SHLD2: variants seen among roughly 807,000 people sequenced by gnomAD.
SHLD2 encodes the protein shieldin complex subunit 2.
Under a neutral mutation model 73.2 loss-of-function variants are expected in SHLD2, and 30 were observed. The ratio of observed to expected loss-of-function variants is 0.41; its 90% CI spans 0.31 to 0.56. The LOEUF (loss-of-function observed/expected upper bound fraction) is 0.56, where lower values mean the gene tolerates loss of function less well. SHLD2 is among the 20% of genes least tolerant of loss of function. SHLD2 has a pLI of 0.28. For synonymous variants in SHLD2, 285 were observed against 370.1 expected, an observed-to-expected ratio of 0.77 and a Z score of 2.64; for missense variants, 745 against 1,055.9, an observed-to-expected ratio of 0.71 and a Z score of 4.08.
At chr10:87,149,615 C>T (rs551055204) in intron 2 of SHLD2, among the ~76,000 whole-genome samples, 3 of 151,894 alleles carry the variant, frequency 2.0e-5, no homozygotes, top group South Asian at 2.1e-4. Flanking sequence ...CTCAGCTACT[C>T]GGTAGGTTGA....
chr10:87,103,578 T>C (rs1040735906), intron 2 of SHLD2, among the ~76,000 whole-genome samples: 2 of 152,230 alleles, frequency 1.3e-5, no homozygotes, highest in Admixed American at 6.5e-5. Context: ...AGGAAAACTT[T>C]CTAATATTTG....
chr10:87,147,094 A>C (rs1198956244), intron 2 of SHLD2, among the ~76,000 whole-genome samples: 2 of 151,738 alleles, frequency 1.3e-5, no homozygotes, highest in African/African-American at 4.8e-5. Context: ...AAAAACAAAA[A>C]AACCTTGTGT....
chr10:87,143,789 A>G (rs896082048), intron 2 of SHLD2, among the ~76,000 whole-genome samples: 1 of 152,182 alleles, frequency 6.6e-6, no homozygotes, highest in Non-Finnish European at 1.5e-5. Flanking sequence ...ACAGGACACC[A>G]GAAGAGCATG....
rs547026014 is a variant in SHLD2 at position 87,184,640 on chromosome 10, T to A, written c.2400-2445T>A. Reference sequence around the variant, plus strand: ...CATCAGTCGTCTCCTTATGCTTGTTTCCTCTGCAGTCTCATCTGCTGCCAC... The same window carrying A: ...CATCAGTCGTCTCCTTATGCTTGTTACCTCTGCAGTCTCATCTGCTGCCAC... On this transcript the variant is annotated intron_variant, in intron 8 of 9. Transcript: ENST00000298786. Among the ~76,000 whole-genome samples the A allele has an allele frequency of 3.3e-5, 5 of 152,244 alleles. No individual in the cohort carries two copies. In the East Asian group the frequency reaches 7.7e-4, roughly 24 times the overall value.
chr10:87,104,931 A>G (rs1377001673), intron 2 of SHLD2, among the ~76,000 whole-genome samples: 2 of 152,182 alleles, frequency 1.3e-5, no homozygotes, highest in Non-Finnish European at 2.9e-5. Context: ...TGTTGGGATT[A>G]TAGGTGTGAG....
intron 2 of SHLD2, among the ~76,000 whole-genome samples, chr10:87,124,736 T>TA (rs1298213443): frequency 8.9e-5 from 13 of 146,236 alleles, no homozygotes; most frequent in Admixed American, 7.4e-4. Context: ...TCATTATAGT[T>TA]AAAAAAATTG....
At chr10:87,105,636 A>G (rs976680412) in intron 2 of SHLD2, among the ~76,000 whole-genome samples, 3 of 152,336 alleles carry the variant, frequency 2.0e-5, no homozygotes, top group Middle Eastern at 3.4e-3. Context: ...CAAGGACTCA[A>G]TGATACCATC....
In SHLD2 at chr10:87,140,352, GT is replaced by G. The variant is rs376243904; in HGVS notation, c.-5-10997del. ...TGAGAATTGCTTGAGCCAGGGAGAT[GT>G]AGGTTGCAGTAAGCCAAGATCATGC... is the stretch of plus-strand genomic sequence containing the variant. On this transcript the variant is annotated intron_variant, in intron 2 of 9. Transcript: ENST00000298786. 3.8e-3 allele frequency among the ~76,000 whole-genome samples: 571 copies of G among 149,204 alleles called. 2 individuals are homozygous for G. Among genetic ancestry groups the G allele is most frequent in the African/African-American group, 0.013 (508 of 40,598 alleles).
Position 87,110,988 on chromosome 10 carries a change from C to T in SHLD2, c.-6+13999C>T, listed in dbSNP as rs1303124382. On this transcript the variant is annotated intron_variant, in intron 2 of 9. Transcript: ENST00000298786. Reference sequence around the variant, plus strand: ...TCTCCCAAGTAGCTGGGACTACAGGCGCGCACCACCACGCCTGGCTAATTT... The same window carrying T: ...TCTCCCAAGTAGCTGGGACTACAGGTGCGCACCACCACGCCTGGCTAATTT... 4.0e-5 allele frequency among the ~76,000 whole-genome samples: 6 copies of T among 151,526 alleles called. No homozygotes were observed. The East Asian group carries it at 1.2e-3, about 30-fold the overall frequency.
chr10:87,103,360 G>A (rs981986120), intron 2 of SHLD2, among the ~76,000 whole-genome samples: 1 of 152,098 alleles, frequency 6.6e-6, no homozygotes, highest in African/African-American at 2.4e-5. Context: ...TATGGAAACA[G>A]CATAGGCAAA....
chr10:87,138,344 A>G (rs1192498927), intron 2 of SHLD2, among the ~76,000 whole-genome samples: 5 of 151,822 alleles, frequency 3.3e-5, no homozygotes, highest in African/African-American at 1.2e-4. Context: ...TGTTAAATAC[A>G]ATGGGATGAC....
chr10:87,125,876 G>A (rs1395161075), intron 2 of SHLD2, among the ~76,000 whole-genome samples: 7 of 152,248 alleles, frequency 4.6e-5, no homozygotes, highest in South Asian at 2.1e-4. Context: ...GCAATGAGCC[G>A]AGATCACGCC....
At chr10:87,178,600 C>T (rs1363481296) in intron 7 of SHLD2, among the ~76,000 whole-genome samples, 1 of 151,432 alleles carries the variant, frequency 6.6e-6, no homozygotes, top group East Asian at 1.9e-4. Flanking sequence ...CCTGTAGTCC[C>T]AGCTACTCAG....
chr10:87,139,437 C>A (rs1026478521), intron 2 of SHLD2, among the ~76,000 whole-genome samples: 1 of 151,978 alleles, frequency 6.6e-6, no homozygotes, highest in Non-Finnish European at 1.5e-5. Context: ...AGGAAAATGA[C>A]CCATAACCAG....
At chr10:87,118,144 TG>T (rs1166844106) in intron 2 of SHLD2, among the ~76,000 whole-genome samples, 2 of 152,224 alleles carry the variant, frequency 1.3e-5, no homozygotes, top group Admixed American at 1.3e-4. Context: ...TAAGCTAGAA[TG>T]GAAGAGCTGG....
intron 2 of SHLD2, among the ~76,000 whole-genome samples, chr10:87,132,825 TG>T (rs1473783880): frequency 6.6e-6 from 1 of 152,132 alleles, no homozygotes; most frequent in Non-Finnish European, 1.5e-5. Context: ...CTGCATTAAG[TG>T]GGGGTATAGA....
rs150661815 is a variant in SHLD2, at chr10:87,119,604, A to G, written c.-6+22615A>G. ...GAGAAACCCCGTCTCTACTAAAAAT[A>G]TAAAAATTAGCTAGCCATGGTGGCG... On this transcript the variant is annotated intron_variant, in intron 2 of 9. Coordinates refer to ENST00000298786, the MANE Select transcript of SHLD2 (RefSeq NM_001330112.2). Among the ~76,000 whole-genome samples, 1,165 of 152,202 alleles carry G rather than the reference A, an allele frequency of 7.7e-3. 17 individuals carry two copies. The highest frequency in any genetic ancestry group is 0.027 in the African/African-American group (1,119 of 41,526).
At chr10:87,167,122 A>T (rs1034598916) in intron 4 of SHLD2, among the ~76,000 whole-genome samples, 1 of 152,094 alleles carries the variant, frequency 6.6e-6, no homozygotes, top group African/African-American at 2.4e-5. Context: ...GGAAATGTAG[A>T]TATCTCTGGT....
chr10:87,126,042 T>C (rs1433405137), intron 2 of SHLD2, among the ~76,000 whole-genome samples: 1 of 152,236 alleles, frequency 6.6e-6, no homozygotes, highest in Non-Finnish European at 1.5e-5. Context: ...TATCTAAATA[T>C]AGGTAGCTGC....
Sources: allele counts gnomAD v4.1 joint callset (sites outside exome capture counted in the v4.1 genomes callset), GRCh38; gene constraint gnomAD v4.1.1; transcripts MANE v1.5; gene names NCBI Gene and HGNC (gene_info 2026-07-23, HGNC 2026-07-21).